The following NRXN1 variants were observed in gnomAD, a reference collection of about 807,000 sequenced individuals.
NRXN1 encodes the protein neurexin 1.
In NRXN1, 39 loss-of-function variants were observed where a neutral mutation model predicts 150.9. That is an observed-to-expected ratio of 0.26 (90% CI 0.20 to 0.34). The LOEUF is 0.34. Ranked by LOEUF, NRXN1 falls within the 10% of genes least tolerant of loss-of-function variation. The pLI is 1.00. For missense variants in NRXN1, 1,815 were observed against 1,949.9 expected, an observed-to-expected ratio of 0.93 and a Z score of 1.30; for synonymous variants, 924 against 757.0, an observed-to-expected ratio of 1.22 and a Z score of -3.62.
intron 15 of NRXN1, among the ~76,000 whole-genome samples, chr2:50,477,558 C>T (rs2090091535): frequency 6.6e-6 from 1 of 152,198 alleles, no homozygotes; most frequent in African/African-American, 2.4e-5. Context: ...AAAGACCAAG[C>T]TCTGCCTTAC....
chr2:50,633,388 A>C (rs1161584078), intron 5 of NRXN1, among the ~76,000 whole-genome samples: 2 of 152,166 alleles, frequency 1.3e-5, no homozygotes, highest in East Asian at 3.9e-4. Flanking sequence ...CATTAAGTAG[A>C]GGAGAGGGTA....
intron 21 of NRXN1, among the ~76,000 whole-genome samples, chr2:50,002,855 T>C (rs551614076): frequency 1.3e-5 from 2 of 151,958 alleles, no homozygotes; most frequent in East Asian, 3.9e-4. Flanking sequence ...TGGGGGAAAA[T>C]AGATGAACAA....
chr2:50,222,040 G>T (rs577932313), intron 18 of NRXN1, among the ~76,000 whole-genome samples: 1 of 152,104 alleles, frequency 6.6e-6, no homozygotes, highest in East Asian at 1.9e-4. Flanking sequence ...AAAGTGACTA[G>T]AGGCAAAATT....
At chr2:50,526,836 C>T (rs74330308) in intron 12 of NRXN1, 11,917 of 152,086 alleles carry the variant, frequency 0.078, 595 homozygotes, top group Non-Finnish European at 0.11. Context: ...AAAGGGAAAA[C>T]AATTCACTAA....
chr2:50,808,600 C>G (rs1467926019), intron 5 of NRXN1, among the ~76,000 whole-genome samples: 1 of 151,936 alleles, frequency 6.6e-6, no homozygotes, highest in African/African-American at 2.4e-5. Context: ...CAAGGAAACC[C>G]AAAACTAGAG....
chr2:49,990,803 T>A (rs1681797818), intron 21 of NRXN1, among the ~76,000 whole-genome samples: 1 of 152,186 alleles, frequency 6.6e-6, no homozygotes, highest in Non-Finnish European at 1.5e-5. Flanking sequence ...AGAATACCTT[T>A]TGTAGCTAAT....
At chr2:50,958,853 A>ATTAAG (rs1692695802) in intron 2 of NRXN1, among the ~76,000 whole-genome samples, 1 of 152,224 alleles carries the variant, frequency 6.6e-6, no homozygotes, top group South Asian at 2.1e-4. Context: ...AATTTTCTTT[A>ATTAAG]TTAAGTTGAG....
intron 13 of NRXN1, among the ~76,000 whole-genome samples, chr2:50,502,811 G>T (rs1015898882): frequency 6.6e-6 from 1 of 151,494 alleles, no homozygotes; most frequent in African/African-American, 2.4e-5. Flanking sequence ...GTATGTTTGG[G>T]TGTAGGTATA....
chr2:50,378,945 T>C (rs1237030654), intron 17 of NRXN1, among the ~76,000 whole-genome samples: 1 of 152,184 alleles, frequency 6.6e-6, no homozygotes, highest in African/African-American at 2.4e-5. Flanking sequence ...AATCATTTGT[T>C]TAATGTAAAC....
chr2:50,476,086 AGGCAATT>A (rs1181306951), intron 15 of NRXN1, among the ~76,000 whole-genome samples: 1 of 152,154 alleles, frequency 6.6e-6, no homozygotes, highest in African/African-American at 2.4e-5. Flanking sequence ...AGGACCATGT[AGGCAATT>A]GATAAGGCAA....
At chr2:50,044,825 G>A (rs1029281346) in intron 21 of NRXN1, among the ~76,000 whole-genome samples, 1 of 152,126 alleles carries the variant, frequency 6.6e-6, no homozygotes, top group Non-Finnish European at 1.5e-5. Context: ...TTGCACATAA[G>A]ATTTTGCAAA....
intron 5 of NRXN1, among the ~76,000 whole-genome samples, chr2:50,635,448 C>A (rs1559053871): frequency 6.6e-6 from 1 of 151,898 alleles, no homozygotes; most frequent in South Asian, 2.1e-4. Flanking sequence ...GCTGGGATTA[C>A]AGGCGTGAGC....
chr2:50,585,349 T>C (rs1672926292), intron 8 of NRXN1, among the ~76,000 whole-genome samples: 1 of 152,140 alleles, frequency 6.6e-6, no homozygotes, highest in African/African-American at 2.4e-5. Flanking sequence ...GAAAGTAGAA[T>C]GATGGTTACC....
At chr2:50,436,457 GA>G (rs77204704) in intron 17 of NRXN1, among the ~76,000 whole-genome samples, 10,173 of 138,834 alleles carry the variant, frequency 0.073, 1,064 homozygotes, top group African/African-American at 0.25. Context: ...CCGTCTCAAG[GA>G]AAAAAAAAAA....
In NRXN1 at chr2:50,346,597, C is replaced by A. The variant is rs538045328; in HGVS notation, c.3365-109627G>T. 2.0e-5 allele frequency: 27 copies of A among 1,358,264 alleles called. 1 individual carries two copies. In the East Asian group the frequency reaches 6.1e-4, roughly 31 times the overall value. 84.1% of individuals were successfully genotyped at this position (1,358,264 alleles called of 1,614,324 possible). ...ATGCACCTCCCTTTTGTCGAGCTCCCATTTCTCTGAGCCTTAGGAGCCCAG... is the reference window on the plus strand; with the variant it reads ...ATGCACCTCCCTTTTGTCGAGCTCCAATTTCTCTGAGCCTTAGGAGCCCAG... On this transcript the variant is annotated intron_variant, in intron 17 of 22. Coordinates refer to ENST00000401669, the MANE Select transcript of NRXN1 (RefSeq NM_001330078.2). This position sits in a 1 kb window ranked among gnomAD's most constrained non-coding sequence, Gnocchi z 5.0.
chr2:50,318,572 T>C (rs2075789970), intron 17 of NRXN1, among the ~76,000 whole-genome samples: 1 of 152,064 alleles, frequency 6.6e-6, no homozygotes, highest in Non-Finnish European at 1.5e-5. Flanking sequence ...ATATTGTGAT[T>C]TTTTTTCACT....
intron 17 of NRXN1, among the ~76,000 whole-genome samples, chr2:50,305,906 C>T (rs932521245): frequency 6.6e-6 from 1 of 152,116 alleles, no homozygotes; most frequent in Non-Finnish European, 1.5e-5. Flanking sequence ...CAGAAAATAA[C>T]ATTTTCCTTC....
intron 18 of NRXN1, among the ~76,000 whole-genome samples, chr2:50,170,174 C>T (rs775434257): frequency 5.3e-5 from 8 of 151,710 alleles, no homozygotes; most frequent in Non-Finnish European, 1.2e-4. Flanking sequence ...CATATGTACA[C>T]TCAAACTGGT....
At chr2:50,173,905 A>G (rs2060182178) in intron 18 of NRXN1, among the ~76,000 whole-genome samples, 1 of 152,150 alleles carries the variant, frequency 6.6e-6, no homozygotes. Context: ...TGGGTAATAC[A>G]GAAGTAAGAT....
Sources: gnomAD v4.1 joint callset for allele counts (sites outside exome capture counted in the v4.1 genomes callset) on GRCh38, gnomAD v4.1.1 for gene constraint, Gnocchi (gnomAD v3.1) non-coding constraint, MANE v1.5 for transcripts, NCBI Gene and HGNC (gene_info 2026-07-23, HGNC 2026-07-21) for gene names.